The following RGL1 variants were observed in gnomAD, a reference collection of about 807,000 sequenced individuals.
RGL1 encodes the protein ral guanine nucleotide dissociation stimulator like 1, also known as ral guanine nucleotide dissociation stimulator-like 1.
In RGL1, 24 loss-of-function variants were observed where a neutral mutation model predicts 95.2. The ratio of observed to expected loss-of-function variants is 0.25; its 90% CI spans 0.18 to 0.35. The LOEUF is 0.35. Among genes scored for constraint, RGL1 ranks in the 10% least tolerant of loss-of-function variants. The pLI is 1.00. For synonymous variants in RGL1, 329 were observed against 344.9 expected, an observed-to-expected ratio of 0.95 and a Z score of 0.51; for missense variants, 715 against 936.3, an observed-to-expected ratio of 0.76 and a Z score of 3.08.
intron 2 of RGL1, among the ~76,000 whole-genome samples, chr1:183,780,579 C>T (rs563653747): frequency 6.6e-6 from 1 of 152,234 alleles, no homozygotes; most frequent in East Asian, 1.9e-4. Flanking sequence ...TATGGGATTA[C>T]CATCAGGTAG....
chr1:183,834,764 T>C (rs1336149782), intron 2 of RGL1, among the ~76,000 whole-genome samples: 2 of 152,074 alleles, frequency 1.3e-5, no homozygotes, highest in Admixed American at 6.6e-5. Context: ...TCATAGCTCA[T>C]TGTAGCCTTG....
At chr1:183,646,366 A>G (rs984001678) in intron 1 of RGL1, 2 of 151,904 alleles carry the variant, frequency 1.3e-5, no homozygotes, top group East Asian at 3.9e-4. Context: ...TCCCTTATGG[A>G]GTATTAAATG....
intron 2 of RGL1, among the ~76,000 whole-genome samples, chr1:183,825,037 T>C (rs1284556257): frequency 6.6e-6 from 1 of 152,222 alleles, no homozygotes; most frequent in Non-Finnish European, 1.5e-5. Context: ...CATTGATAGC[T>C]ATTGGTGAGT....
chr1:183,814,557 T>G (rs951513850), intron 2 of RGL1, among the ~76,000 whole-genome samples: 1 of 152,188 alleles, frequency 6.6e-6, no homozygotes, highest in Non-Finnish European at 1.5e-5. Flanking sequence ...CCCAGAAGTT[T>G]TTTATGTTTT....
At chr1:183,737,034 A>T (rs999041456) in intron 1 of RGL1, among the ~76,000 whole-genome samples, 1 of 152,208 alleles carries the variant, frequency 6.6e-6, no homozygotes, top group Admixed American at 6.5e-5. Flanking sequence ...GGAAAGTAAA[A>T]TTCAATAAAT....
intron 2 of RGL1, among the ~76,000 whole-genome samples, chr1:183,772,825 A>C (rs972871521): frequency 7.9e-5 from 12 of 151,166 alleles, no homozygotes; most frequent in Non-Finnish European, 1.8e-4. Context: ...CTGGCTAACA[A>C]GGTGAAACCC....
Position 183,884,794 on chromosome 1 carries a change from C to G in RGL1, c.807C>G (p.Asn269Lys), listed in dbSNP as rs770504776. Residue 269 changes from asparagine (N) to lysine (K), a missense_variant, in exon 7 of 18, where the codon AAC becomes AAG. By Grantham distance (94) the Asn-to-Lys change is moderately conservative (BLOSUM62 0). Around this residue, in one of 3 missense-constraint regions of RGL1, gnomAD observed 381 missense variants for 484.8 expected, o/e 0.79. Coordinates refer to ENST00000360851, the MANE Select transcript of RGL1 (RefSeq NM_001297671.3). ...GGTCTCGAAGGGATAAGAAGGAAAA[C>G]AAACATTTGGCTCCTACGATCCGTG... ...CIWSRRDKKE[N>K]KHLAPTIRAT... 1.2e-6 allele frequency: 2 copies of G among 1,614,126 alleles called. No individual in the cohort carries two copies. The highest frequency in any genetic ancestry group is 3.3e-5 in the Admixed American group (2 of 60,022).
intron 14 of RGL1, among the ~76,000 whole-genome samples, chr1:183,907,540 G>A (rs1668408578): frequency 6.6e-6 from 1 of 152,084 alleles, no homozygotes; most frequent in African/African-American, 2.4e-5. Context: ...TTACAACATT[G>A]CCCTCTGTTC....
chr1:183,883,981 G>T lies in RGL1; in HGVS notation c.735+71G>T. The T allele has an allele frequency of 4.0e-6, 6 of 1,484,242 alleles. No individual in the cohort carries two copies. In the South Asian group the frequency reaches 7.1e-5, roughly 17 times the overall value. 91.9% of individuals were successfully genotyped at this position (1,484,242 alleles called of 1,614,324 possible). A position where few individuals can be genotyped will look rare whatever the true frequency, so the allele number is the denominator to read the frequency against. ...GGGGAGTGATGGCACTGGTGCCCCGGTGACAGCAGTGGGATAATGTGATTT... is the reference window on the plus strand; with the variant it reads ...GGGGAGTGATGGCACTGGTGCCCCGTTGACAGCAGTGGGATAATGTGATTT... On this transcript the variant is annotated intron_variant, in intron 6 of 17. Transcript: ENST00000360851.
intron 12 of RGL1, among the ~76,000 whole-genome samples, chr1:183,904,395 G>T (rs1158194129): frequency 6.6e-6 from 1 of 152,106 alleles, no homozygotes; most frequent in Non-Finnish European, 1.5e-5. Flanking sequence ...AGATGGGGAT[G>T]GGGATCTTGG....
intron 1 of RGL1, among the ~76,000 whole-genome samples, chr1:183,693,612 G>A (rs923611239): frequency 1.3e-5 from 2 of 150,414 alleles, no homozygotes; most frequent in Non-Finnish European, 3.0e-5. Context: ...GTGCCTACTG[G>A]TGGAAGGGAC....
At chr1:183,696,753 G>T (rs1471181820) in intron 1 of RGL1, among the ~76,000 whole-genome samples, 2 of 151,986 alleles carry the variant, frequency 1.3e-5, no homozygotes, top group South Asian at 4.2e-4. Flanking sequence ...CATCTCTCAG[G>T]CCCCAAATTT....
chr1:183,808,021 A>AT lies in RGL1; in HGVS notation c.138+1543dup, dbSNP rs539165275. ...CAGTTGTCTTCAAAAGGGTCATTAC[A>AT]TTTTTTTGGTATCAGGTTATTCCTC... On this transcript the variant is annotated intron_variant, in intron 2 of 17. Coordinates refer to ENST00000360851, the MANE Select transcript of RGL1 (RefSeq NM_001297671.3). Among the ~76,000 whole-genome samples, 28 of 152,208 alleles carry AT rather than the reference A, an allele frequency of 1.8e-4. 1 individual carries two copies. In the South Asian group the frequency reaches 3.3e-3, roughly 18 times the overall value.
chr1:183,673,072 A>T (rs1056413229), intron 1 of RGL1, among the ~76,000 whole-genome samples: 4 of 152,212 alleles, frequency 2.6e-5, no homozygotes, highest in African/African-American at 7.2e-5. Context: ...CCTGCATATT[A>T]GATTAATCTA....
intron 1 of RGL1, among the ~76,000 whole-genome samples, chr1:183,731,585 C>G (rs1157127928): frequency 6.6e-6 from 1 of 152,122 alleles, no homozygotes. Flanking sequence ...AGTTACAAAG[C>G]CAAATAGTAA....
At chr1:183,898,173 C>T (rs969895294) in intron 10 of RGL1, among the ~76,000 whole-genome samples, 8 of 152,134 alleles carry the variant, frequency 5.3e-5, no homozygotes, top group South Asian at 4.1e-4. Context: ...TACAGCAGGT[C>T]GACTTCCTCC....
At chr1:183,880,369 A>G (rs1480282341) in intron 4 of RGL1, among the ~76,000 whole-genome samples, 1 of 124,228 alleles carries the variant, frequency 8.0e-6, no homozygotes, top group East Asian at 2.5e-4. Context: ...CCTCCTTAAA[A>G]CAAACAAACA....
intron 15 of RGL1, among the ~76,000 whole-genome samples, chr1:183,914,364 G>A (rs74349358): frequency 0.016 from 2,373 of 152,200 alleles, 28 homozygotes; most frequent in Non-Finnish European, 0.025. Flanking sequence ...TTATTCTTTG[G>A]ATGAACCTTT....
At chr1:183,759,967 T>C (rs1658568642) in intron 2 of RGL1, among the ~76,000 whole-genome samples, 1 of 152,232 alleles carries the variant, frequency 6.6e-6, no homozygotes, top group African/African-American at 2.4e-5. Flanking sequence ...ATCTATCTTA[T>C]AAGACTCATC....
Sources: gnomAD v4.1 joint callset for allele counts (sites outside exome capture counted in the v4.1 genomes callset) on GRCh38, gnomAD v4.1.1 for gene constraint, gnomAD v4.1.1 regional missense constraint, MANE v1.5 for transcripts, NCBI Gene and HGNC (gene_info 2026-07-23, HGNC 2026-07-21) for gene names.